The following CNTLN variants were observed in gnomAD, a reference collection of about 807,000 sequenced individuals.
CNTLN encodes centlein, centrosomal protein.
Under a neutral mutation model 180.0 loss-of-function variants are expected in CNTLN, and 212 were observed. The observed-to-expected ratio is 1.18, with a 90% CI of 1.05 to 1.32. The LOEUF (loss-of-function observed/expected upper bound fraction) is 1.32. Among genes scored for constraint, CNTLN ranks in the 40% most tolerant of loss-of-function variants. The pLI, the probability that CNTLN is intolerant of heterozygous loss-of-function variation, is 0.00. For synonymous variants in CNTLN, 722 were observed against 563.1 expected (o/e 1.28, Z -3.99); for missense variants, 2,095 against 1,610.9 (o/e 1.30, Z -5.14).
intron 10 of CNTLN, among the ~76,000 whole-genome samples, chr9:17,334,523 C>G (rs1245080188): frequency 6.6e-6 from 1 of 152,010 alleles, no homozygotes; most frequent in Admixed American, 6.6e-5. Flanking sequence ...AAGGAATTGG[C>G]TTACGTGATA....
chr9:17,409,598 A>G lies in CNTLN; in HGVS notation c.2796+125A>G, dbSNP rs928643608. On this transcript the variant is annotated intron_variant, in intron 16 of 25. Coordinates refer to ENST00000380647, the MANE Select transcript of CNTLN (RefSeq NM_017738.4). ...TTCTTACAAGTTAAGTCTTTAAAAT[A>G]TACAGTGAAAATATTCACTTTTAAA... 57 of 672,702 alleles carry G rather than the reference A, an allele frequency of 8.5e-5. 1 individual carries two copies. Among genetic ancestry groups the G allele is most frequent in the Non-Finnish European group, 1.3e-4 (55 of 423,874 alleles). The allele number at this position is 672,702 out of a possible 1,614,324, so 41.7% of individuals were successfully genotyped here.
intron 8 of CNTLN, among the ~76,000 whole-genome samples, chr9:17,310,602 T>C (rs1227845810): frequency 6.6e-6 from 1 of 152,182 alleles, no homozygotes; most frequent in East Asian, 1.9e-4. Context: ...GTAGAAATCC[T>C]GGACTATAAA....
At chr9:17,300,985 A>C (rs1818304168) in intron 7 of CNTLN, 1 of 983,542 alleles carries the variant, frequency 1.0e-6, no homozygotes, top group Admixed American at 6.1e-5. Flanking sequence ...ATTAAATGGT[A>C]GAAGCAAGAA....
intron 18 of CNTLN, among the ~76,000 whole-genome samples, chr9:17,453,672 A>T (rs771146339): frequency 2.0e-5 from 3 of 152,318 alleles, no homozygotes; most frequent in Admixed American, 2.0e-4. Flanking sequence ...GGTTGCAATC[A>T]GTGTGTCAGC....
chr9:17,477,712 G>T (rs540244714), intron 23 of CNTLN, among the ~76,000 whole-genome samples: 1 of 152,366 alleles, frequency 6.6e-6, no homozygotes, highest in Admixed American at 6.5e-5. Flanking sequence ...ATGAGGAGTT[G>T]CCTCTTAGGG....
chr9:17,149,114 A>T (rs1818660720), intron 2 of CNTLN, among the ~76,000 whole-genome samples: 1 of 152,162 alleles, frequency 6.6e-6, no homozygotes, highest in Admixed American at 6.5e-5. Flanking sequence ...GATGGTTTCC[A>T]GCTTCATCCA....
At chr9:17,318,895 T>G in intron 8 of CNTLN, among the ~76,000 whole-genome samples, 1 of 152,134 alleles carries the variant, frequency 6.6e-6, no homozygotes, top group Non-Finnish European at 1.5e-5. Flanking sequence ...CTTCATTTAT[T>G]CAGTTATGTA....
Position 17,180,094 on chromosome 9 carries a change from G to C in CNTLN, c.449+36718G>C, listed in dbSNP as rs145957771. On this transcript the variant is annotated intron_variant, in intron 2 of 25. Coordinates refer to ENST00000380647, the MANE Select transcript of CNTLN (RefSeq NM_017738.4). ...AGTTTCTTTTAGTTACTATATAGTT[G>C]CATCATATTTTAAAATCTACTCTGT... Among the ~76,000 whole-genome samples, 240 of 151,328 alleles carry C rather than the reference G, an allele frequency of 1.6e-3. 1 individual carries two copies. Among genetic ancestry groups the C allele is most frequent in the African/African-American group, 5.6e-3 (231 of 41,392 alleles).
In CNTLN at chr9:17,427,643, A is replaced by G. The variant is rs551151614; in HGVS notation, c.3114+11454A>G. Among the ~76,000 whole-genome samples the G allele has an allele frequency of 8.3e-4, 126 of 152,216 alleles. No homozygotes were observed. The South Asian group carries it at 0.025, about 30-fold the overall frequency. ...ACTATTCCAATTCCTTTTCCCACTT[A>G]ATATTTTCTTTACTTCATGATTCTG... is the stretch of plus-strand genomic sequence containing the variant. On this transcript the variant is annotated intron_variant, in intron 18 of 25. Transcript: ENST00000380647.
At chr9:17,510,600 C>T in the CNTLN span, among the ~76,000 whole-genome samples, 1 of 152,136 alleles carries the variant, frequency 6.6e-6, no homozygotes, top group Non-Finnish European at 1.5e-5. Context: ...ACTACTGTCC[C>T]CCAAGCAAGA....
At chr9:17,400,784 A>AATTC (rs1182223726) in intron 15 of CNTLN, among the ~76,000 whole-genome samples, 1 of 152,182 alleles carries the variant, frequency 6.6e-6, no homozygotes, top group Admixed American at 6.5e-5. Context: ...TGTATATGTT[A>AATTC]ATTCATTCAT....
intron 2 of CNTLN, among the ~76,000 whole-genome samples, chr9:17,216,280 T>G (rs1001895153): frequency 9.8e-5 from 15 of 152,306 alleles, no homozygotes; most frequent in African/African-American, 3.6e-4. Context: ...GGCTTGCTAG[T>G]TGTGTAAATT....
chr9:17,374,923 T>C (rs1032213784), intron 13 of CNTLN, among the ~76,000 whole-genome samples: 1 of 152,050 alleles, frequency 6.6e-6, no homozygotes, highest in African/African-American at 2.4e-5. Flanking sequence ...GCTAGTTATA[T>C]ACCCAAAAGA....
chr9:17,213,531 T>C (rs901835553), intron 2 of CNTLN, among the ~76,000 whole-genome samples: 1 of 152,246 alleles, frequency 6.6e-6, no homozygotes, highest in South Asian at 2.1e-4. Context: ...ATGTATATTC[T>C]GTTGACTTGG....
At chr9:17,271,274 G>T (rs114187623) in intron 5 of CNTLN, among the ~76,000 whole-genome samples, 2,786 of 152,102 alleles carry the variant, frequency 0.018, 85 homozygotes, top group African/African-American at 0.064. Context: ...AGCATGATTT[G>T]TGGGGGCGCA....
At chr9:17,206,221 T>G (rs1032097327) in intron 2 of CNTLN, among the ~76,000 whole-genome samples, 1 of 151,960 alleles carries the variant, frequency 6.6e-6, no homozygotes, top group Non-Finnish European at 1.5e-5. Context: ...CAACCTGGAC[T>G]TTTTTTTAAC....
chr9:17,266,985 T>G (rs926426314), intron 5 of CNTLN, among the ~76,000 whole-genome samples: 1 of 152,204 alleles, frequency 6.6e-6, no homozygotes, highest in Non-Finnish European at 1.5e-5. Flanking sequence ...GTCTTGACTC[T>G]TTATCCAATT....
At chr9:17,416,542 A>G (rs752292112) in intron 18 of CNTLN, among the ~76,000 whole-genome samples, 3 of 152,194 alleles carry the variant, frequency 2.0e-5, no homozygotes, top group Non-Finnish European at 4.4e-5. Context: ...CCGTTTGCCT[A>G]TGTTTGAAAC....
At chr9:17,351,821 T>C (rs1240070173) in intron 12 of CNTLN, among the ~76,000 whole-genome samples, 2 of 152,212 alleles carry the variant, frequency 1.3e-5, no homozygotes, top group Non-Finnish European at 2.9e-5. Context: ...ACTTTAAGTA[T>C]CTTTCCATTG....
Sources: allele counts gnomAD v4.1 joint callset (sites outside exome capture counted in the v4.1 genomes callset), GRCh38; gene constraint gnomAD v4.1.1; transcripts MANE v1.5; gene names NCBI Gene and HGNC (gene_info 2026-07-23, HGNC 2026-07-21).